Variants in PLCD3 observed in about 807,000 individuals in gnomAD.
The protein encoded by PLCD3 is 1-phosphatidylinositol 4,5-bisphosphate phosphodiesterase delta-3.
In PLCD3, 62 loss-of-function variants were observed where a neutral mutation model predicts 82.8. That is an observed-to-expected ratio of 0.75 (90% CI 0.61 to 0.93). The LOEUF (loss-of-function observed/expected upper bound fraction) is 0.93. PLCD3 is among the 40% of genes least tolerant of loss of function. PLCD3 has a pLI of 0.00. For synonymous variants in PLCD3, 478 were observed against 471.8 expected (o/e 1.01, Z -0.17); for missense variants, 1,023 against 1,103.4 (o/e 0.93, Z 1.03).
At position 45,115,263 on chromosome 17, in the gene PLCD3, C is replaced by T. The variant is rs373311184; in HGVS notation, c.1561-19G>A. ...GCTTGGCCTAGGAGACCAGGCTCAG[C>T]GGGGTTCAGCTGGCCCCCGCTTCCC... On this transcript the variant is annotated intron_variant, in intron 9 of 14. Transcript: ENST00000619929. 91 of 1,541,838 alleles carry T rather than the reference C, an allele frequency of 5.9e-5. No homozygotes were observed. The highest frequency in any genetic ancestry group is 8.1e-5 in the African/African-American group (6 of 73,688).
Position 45,118,476 on chromosome 17 carries a change from C to T in PLCD3, c.930G>A (p.Leu310=). The change falls in exon 6 of 15, where the codon CTG becomes CTA. Residue 310 remains leucine (L), a synonymous_variant. Coordinates refer to ENST00000619929, the MANE Select transcript of PLCD3 (RefSeq NM_133373.5). This position sits in a 1 kb window ranked among gnomAD's most constrained non-coding sequence, Gnocchi z 4.1. The stretch of plus-strand genomic sequence containing the variant: ...ACATCATGAAGCCATCCAGTGTCAT[C>T]AGCTCATGCTGCTTGGCTGCAGGGG... The part of the protein sequence containing the change: ...ELNETAKQHE[L]MTLDGFMMYL... The T allele has an allele frequency of 1.2e-6, 2 of 1,613,972 alleles. No homozygotes were observed. Among genetic ancestry groups the T allele is most frequent in the Non-Finnish European group, 1.7e-6 (2 of 1,179,888 alleles).
At chr17:45,121,405 C>G (rs1379696517) in intron 1 of PLCD3, 33 bp from the exon 2 acceptor site, 2 of 1,467,538 alleles carry the variant, frequency 1.4e-6, no homozygotes, top group East Asian at 2.6e-5. Flanking sequence ...GGCGTCAGGC[C>G]GTACCTGCCC....
rs1370449064 is a variant in PLCD3 at position 45,113,599 on chromosome 17, A to C, written c.1835T>G (p.Leu612Trp). The change falls in exon 12 of 15, where the codon TTG (leucine) becomes TGG (tryptophan). Residue 612 changes from leucine (L) to tryptophan (W), a missense_variant. Leu to Trp is a moderately conservative substitution (Grantham distance 61, BLOSUM62 -2). Around this residue, in one of 3 missense-constraint regions of PLCD3, gnomAD observed 553 missense variants for 655.7 expected, o/e 0.84. Coordinates refer to ENST00000619929, the MANE Select transcript of PLCD3 (RefSeq NM_133373.5). ...CTCGTAGCCTGGCGTCTGGAAGTTC[A>C]AGGCCACTGTGGACACAGCAGGGTC... ...MWNSGCQLVA[L>W]NFQTPGYEMD... 6.4e-7 allele frequency: 1 copy of C among 1,554,932 alleles called. No homozygotes were observed. Among genetic ancestry groups the C allele is most frequent in the South Asian group, 1.2e-5 (1 of 84,168 alleles).
chr17:45,128,439 C>T (rs774132559), intron 1 of PLCD3, among the ~76,000 whole-genome samples: 1 of 152,230 alleles, frequency 6.6e-6, no homozygotes, highest in Non-Finnish European at 1.5e-5. Context: ...CCAGCTTACC[C>T]ACCACCCAGG....
At chr17:45,128,328 C>T (rs567732249) in intron 1 of PLCD3, among the ~76,000 whole-genome samples, 2 of 152,330 alleles carry the variant, frequency 1.3e-5, no homozygotes, top group Non-Finnish European at 2.9e-5. Context: ...GTGCGGAAGT[C>T]AGGGTAGGGG....
intron 1 of PLCD3, among the ~76,000 whole-genome samples, chr17:45,128,263 T>C (rs1024843570): frequency 2.0e-5 from 3 of 152,088 alleles, no homozygotes; most frequent in African/African-American, 7.2e-5. Context: ...ACACAGCAAG[T>C]GGGGGTGGCA....
intron 1 of PLCD3, among the ~76,000 whole-genome samples, chr17:45,130,675 G>T (rs1044439980): frequency 6.6e-6 from 1 of 152,014 alleles, no homozygotes; most frequent in Non-Finnish European, 1.5e-5. Flanking sequence ...TAACTCCTCA[G>T]CCTCCCTCCT....
chr17:45,113,717 T>C, intron 11 of PLCD3, 112 bp from the exon 12 acceptor site: 1 of 1,330,118 alleles, frequency 7.5e-7, no homozygotes. Flanking sequence ...ACTGTCTGCT[T>C]AGTGCTGCTC....
intron 1 of PLCD3, among the ~76,000 whole-genome samples, chr17:45,123,783 G>C (rs1403660322): frequency 6.6e-6 from 1 of 152,188 alleles, no homozygotes; most frequent in Non-Finnish European, 1.5e-5. Context: ...TGACCCCTTG[G>C]GGCCAGCCTG....
rs1052169 is a variant in PLCD3 at position 45,111,681 on chromosome 17, A to C, written c.*935T>G. The C allele has an allele frequency of 0.15, 22,102 of 152,180 alleles. 1,884 individuals are homozygous for C. Among genetic ancestry groups the C allele is most frequent in the Middle Eastern group, 0.24 (71 of 300 alleles). The allele number at this position is 152,180 out of a possible 1,614,324, so 9.4% of individuals were successfully genotyped here. A position where few individuals can be genotyped will look rare whatever the true frequency, so the allele number is the denominator to read the frequency against. On this transcript the variant is annotated 3_prime_UTR_variant, in exon 15 of 15. Transcript: ENST00000619929. ...AACGTGCTTCTTTATTTTTTAAACTAGATAGGCTCATTCTACTGTCTTCTC... is the reference window on the plus strand; with the variant it reads ...AACGTGCTTCTTTATTTTTTAAACTCGATAGGCTCATTCTACTGTCTTCTC...
intron 1 of PLCD3, among the ~76,000 whole-genome samples, chr17:45,128,402 A>G (rs1480473715): frequency 6.6e-6 from 1 of 152,168 alleles, no homozygotes; most frequent in African/African-American, 2.4e-5. Context: ...CCCACCTGGC[A>G]TGCCCCTGCT....
rs1475197944 is a variant in PLCD3, at chr17:45,111,045, C to G, written c.*1571G>C. On this transcript the variant is annotated 3_prime_UTR_variant, in exon 15 of 15. Coordinates refer to ENST00000619929, the MANE Select transcript of PLCD3 (RefSeq NM_133373.5). The stretch of plus-strand genomic sequence containing the variant: ...GACTAATGTCAAGTTCTGCCCTTGT[C>G]CAGTGCCGGCACTGTTGGCTGGCAG... 6.6e-6 allele frequency: 1 copy of G among 152,278 alleles called. No homozygotes were observed. Among genetic ancestry groups the G allele is most frequent in the African/African-American group, 2.4e-5 (1 of 41,472 alleles). The allele number at this position is 152,278 out of a possible 1,614,324, so 9.4% of individuals were successfully genotyped here.
chr17:45,115,499 GC>G lies in PLCD3; in HGVS notation c.1414-10del, dbSNP rs1161098930. ...ACCCGGCCCTTCAGCTGCTGTGGGG[GC>G]CAACGTGGAGGATGAAGGGTTAGGC... On this transcript the variant is annotated splice_polypyrimidine_tract_variant and intron_variant, in intron 8 of 14. Coordinates refer to ENST00000619929, the MANE Select transcript of PLCD3 (RefSeq NM_133373.5). The G allele has an allele frequency of 6.2e-7, 1 of 1,603,278 alleles. No individual in the cohort carries two copies. Among genetic ancestry groups the G allele is most frequent in the African/African-American group, 1.3e-5 (1 of 74,686 alleles).
At position 45,132,147 on chromosome 17, in the gene PLCD3, C is replaced by T; in HGVS notation, c.163+101G>A. Reference sequence around the variant, plus strand: ...GCCCCTAGCCATAGCCTCCCAGCCCCGTGCAGCCTGGGGAATCCACGAACT... The same window carrying T: ...GCCCCTAGCCATAGCCTCCCAGCCCTGTGCAGCCTGGGGAATCCACGAACT... On this transcript the variant is annotated intron_variant, in intron 1 of 14. Coordinates refer to ENST00000619929, the MANE Select transcript of PLCD3 (RefSeq NM_133373.5). This position sits in a 1 kb window ranked among gnomAD's most constrained non-coding sequence, Gnocchi z 4.6. The T allele has an allele frequency of 8.6e-7, 1 of 1,157,716 alleles. No homozygotes were observed. The highest frequency in any genetic ancestry group is 1.1e-6 in the Non-Finnish European group (1 of 921,434). The allele number at this position is 1,157,716 out of a possible 1,614,324, so 71.7% of individuals were successfully genotyped here. A position where few individuals can be genotyped will look rare whatever the true frequency, so the allele number is the denominator to read the frequency against.
rs758299184 is a variant in PLCD3, at chr17:45,113,085, G to A, written c.2131+37C>T. 2.2e-5 allele frequency: 36 copies of A among 1,611,854 alleles called. No homozygotes were observed. The South Asian group carries it at 3.7e-4, about 17-fold the overall frequency. On this transcript the variant is annotated intron_variant, in intron 13 of 14. Coordinates refer to ENST00000619929, the MANE Select transcript of PLCD3 (RefSeq NM_133373.5). ...CCTGCACCACCCTTCGCTCTCTGCAGTCTCCCCCAACCCCACTTCCGCCAG... is the reference window on the plus strand; with the variant it reads ...CCTGCACCACCCTTCGCTCTCTGCAATCTCCCCCAACCCCACTTCCGCCAG...
In PLCD3 at chr17:45,117,895, G is replaced by T. The variant is rs570377757; in HGVS notation, c.1260+99C>A. ...GGTGAATGAATGATTCTCTGGGCAA[G>T]GGTTTCCTCTGGAAGGACGGAGGGC... On this transcript the variant is annotated intron_variant, in intron 7 of 14. Transcript: ENST00000619929. 37 of 1,468,828 alleles carry T rather than the reference G, an allele frequency of 2.5e-5. No individual in the cohort carries two copies. The African/African-American group carries it at 5.0e-4, about 20-fold the overall frequency. The allele number at this position is 1,468,828 out of a possible 1,614,324, so 91.0% of individuals were successfully genotyped here.
At position 45,109,177 on chromosome 17, in the gene PLCD3, A is replaced by C. The variant is rs1221208632; in HGVS notation, c.*3439T>G. The C allele has an allele frequency of 1.3e-5, 2 of 152,308 alleles. No individual in the cohort carries two copies. Among genetic ancestry groups the C allele is most frequent in the Non-Finnish European group, 2.9e-5 (2 of 68,066 alleles). The allele number at this position is 152,308 out of a possible 1,614,324, so 9.4% of individuals were successfully genotyped here. On this transcript the variant is annotated 3_prime_UTR_variant, in exon 15 of 15. Coordinates refer to ENST00000619929, the MANE Select transcript of PLCD3 (RefSeq NM_133373.5). Reference sequence around the variant, plus strand: ...CTTCCTTTAAGGCTGCCCTTCTTCCAGGGCAAACTTGGTGTTGTCAGACCC... The same window carrying C: ...CTTCCTTTAAGGCTGCCCTTCTTCCCGGGCAAACTTGGTGTTGTCAGACCC...
chr17:45,116,398 C>G (rs1418869191), intron 8 of PLCD3, among the ~76,000 whole-genome samples: 1 of 149,736 alleles, frequency 6.7e-6, no homozygotes, highest in Non-Finnish European at 1.5e-5. Context: ...CAGGGCAAAG[C>G]CAGGTTACAG....
chr17:45,118,859 G>A lies in PLCD3; in HGVS notation c.869C>T (p.Ala290Val). 6.2e-7 allele frequency: 1 copy of A among 1,611,764 alleles called. No homozygotes were observed. The highest frequency in any genetic ancestry group is 8.5e-7 in the Non-Finnish European group (1 of 1,179,788). Residue 290 changes from alanine (A) to valine (V), a missense_variant, in exon 5 of 15, where the codon GCC (alanine) becomes GTC (valine). Physicochemically the swap from Ala to Val is moderately conservative, Grantham distance 64. Around this residue, in one of 3 missense-constraint regions of PLCD3, gnomAD observed 448 missense variants for 406.3 expected, o/e 1.10. Coordinates refer to ENST00000619929, the MANE Select transcript of PLCD3 (RefSeq NM_133373.5). This position sits in a 1 kb window ranked among gnomAD's most constrained non-coding sequence, Gnocchi z 4.1. ...EDQGEEGATL[A>V]RAQQLIQTYE... Reference sequence around the variant, plus strand: ...GGTCTGAATGAGCTGCTGGGCGCGGGCCAGTGTGGCGCCCTCCTCGCCCTG... The same window carrying A: ...GGTCTGAATGAGCTGCTGGGCGCGGACCAGTGTGGCGCCCTCCTCGCCCTG...
Sources: gnomAD v4.1 joint callset for allele counts (sites outside exome capture counted in the v4.1 genomes callset) on GRCh38, gnomAD v4.1.1 for gene constraint, gnomAD v4.1.1 regional missense constraint, Gnocchi (gnomAD v3.1) non-coding constraint, MANE v1.5 for transcripts, NCBI Gene and HGNC (gene_info 2026-07-23, HGNC 2026-07-21) for gene names.